Variants in KCNMB2 observed in about 807,000 individuals in gnomAD.
The protein encoded by KCNMB2 is calcium-activated potassium channel subunit beta-2.
KCNMB2 carries 9 observed loss-of-function variants against 24.5 expected under a neutral mutation model. That is an observed-to-expected ratio of 0.37 (90% confidence interval 0.22 to 0.64). KCNMB2 has a LOEUF of 0.64. KCNMB2 is among the 30% of genes least tolerant of loss of function. The pLI is 0.63. For synonymous variants in KCNMB2, 109 were observed against 104.4 expected (o/e 1.04, Z -0.27); for missense variants, 226 against 284.3 (o/e 0.79, Z 1.47).
At chr3:178,730,973 C>G (rs568349380) in intron 1 of KCNMB2, among the ~76,000 whole-genome samples, 15 of 152,224 alleles carry the variant, frequency 9.9e-5, no homozygotes, top group African/African-American at 3.6e-4. Context: ...GTGCCAGACA[C>G]TAGTTTATAT....
chr3:178,677,436 C>A (rs1211407612), intron 1 of KCNMB2, among the ~76,000 whole-genome samples: 1 of 152,164 alleles, frequency 6.6e-6, no homozygotes, highest in African/African-American at 2.4e-5. Flanking sequence ...AGCCTGGGCA[C>A]GTGGGAAGTC....
At chr3:178,557,411 G>A (rs1241437178) in intron 1 of KCNMB2, among the ~76,000 whole-genome samples, 1 of 152,164 alleles carries the variant, frequency 6.6e-6, no homozygotes, top group Non-Finnish European at 1.5e-5. Context: ...AAGGACTCCT[G>A]ATGAATGGCT....
intron 1 of KCNMB2, among the ~76,000 whole-genome samples, chr3:178,795,485 C>A (rs958694466): frequency 1.3e-5 from 2 of 152,118 alleles, no homozygotes; most frequent in Admixed American, 6.5e-5. Flanking sequence ...TGAGTCCTTG[C>A]AGTTTAAGAG....
At chr3:178,541,675 A>G (rs1715624201) in intron 1 of KCNMB2, among the ~76,000 whole-genome samples, 2 of 152,194 alleles carry the variant, frequency 1.3e-5, no homozygotes, top group Non-Finnish European at 2.9e-5. Flanking sequence ...TGATGTGAAA[A>G]GGATGCAGCA....
chr3:178,730,414 C>CA (rs1237365438), intron 1 of KCNMB2, among the ~76,000 whole-genome samples: 2 of 130,884 alleles, frequency 1.5e-5, no homozygotes, highest in Non-Finnish European at 3.3e-5. Context: ...CACCCCCCCA[C>CA]ACACACACAC....
intron 1 of KCNMB2, among the ~76,000 whole-genome samples, chr3:178,548,936 A>G (rs540566575): frequency 3.9e-4 from 59 of 152,336 alleles, no homozygotes; most frequent in African/African-American, 1.4e-3. Context: ...CAAATAATTG[A>G]GTTCCCTTAT....
intron 1 of KCNMB2, among the ~76,000 whole-genome samples, chr3:178,585,118 T>C (rs1468644688): frequency 6.6e-6 from 1 of 152,244 alleles, no homozygotes; most frequent in Non-Finnish European, 1.5e-5. Context: ...GACAGAATCC[T>C]CTTTCCTTCA....
chr3:178,724,222 C>T (rs1362033803), intron 1 of KCNMB2, among the ~76,000 whole-genome samples: 1 of 151,902 alleles, frequency 6.6e-6, no homozygotes, highest in Non-Finnish European at 1.5e-5. Flanking sequence ...GAAGGTATCT[C>T]ATTGTGATTT....
chr3:178,760,272 GGATATATCTATATATAGATATATCCAAGA>G, intron 1 of KCNMB2, among the ~76,000 whole-genome samples: 1 of 65,644 alleles, frequency 1.5e-5, no homozygotes, highest in South Asian at 5.9e-4. Context: ...ATATCCAAGA[GGATATATCTATATATAGATATATCCAAGA>G]GGATATATCT....
At chr3:178,759,279 A>C (rs1258172353) in intron 1 of KCNMB2, among the ~76,000 whole-genome samples, 3 of 123,606 alleles carry the variant, frequency 2.4e-5, no homozygotes, top group African/African-American at 9.4e-5. Flanking sequence ...ATACATATAT[A>C]TCTCTCCAAG....
chr3:178,702,487 T>TA (rs1018083620), intron 1 of KCNMB2, among the ~76,000 whole-genome samples: 3 of 151,582 alleles, frequency 2.0e-5, no homozygotes, highest in African/African-American at 7.3e-5. Flanking sequence ...TAAATAAAGC[T>TA]AATGAGAGAA....
intron 1 of KCNMB2, among the ~76,000 whole-genome samples, chr3:178,740,352 C>A (rs1040379853): frequency 6.6e-6 from 1 of 152,042 alleles, no homozygotes; most frequent in African/African-American, 2.4e-5. Flanking sequence ...GATCTCCTGA[C>A]CTCATGATCT....
intron 1 of KCNMB2, among the ~76,000 whole-genome samples, chr3:178,672,463 G>A (rs1323803432): frequency 6.6e-6 from 1 of 152,172 alleles, no homozygotes; most frequent in Non-Finnish European, 1.5e-5. Context: ...AGCCTTTAAG[G>A]TTCCTATGAC....
At chr3:178,798,995 A>T (rs1279152694) in intron 1 of KCNMB2, among the ~76,000 whole-genome samples, 1 of 150,874 alleles carries the variant, frequency 6.6e-6, no homozygotes, top group Non-Finnish European at 1.5e-5. Flanking sequence ...AAAAAAAAAA[A>T]CTCTCAACAA....
intron 1 of KCNMB2, among the ~76,000 whole-genome samples, chr3:178,768,554 A>T (rs983761977): frequency 6.6e-6 from 1 of 152,244 alleles, no homozygotes; most frequent in African/African-American, 2.4e-5. Flanking sequence ...TACACACTAT[A>T]GAAAGTAAAA....
intron 1 of KCNMB2, among the ~76,000 whole-genome samples, chr3:178,583,179 G>T (rs1016912667): frequency 6.6e-6 from 1 of 152,022 alleles, no homozygotes; most frequent in Non-Finnish European, 1.5e-5. Flanking sequence ...ACCTAGATTT[G>T]TTAATACGTA....
At chr3:178,660,299 T>A (rs1269769142) in intron 1 of KCNMB2, among the ~76,000 whole-genome samples, 1 of 152,196 alleles carries the variant, frequency 6.6e-6, no homozygotes, top group Admixed American at 6.5e-5. Flanking sequence ...GGCATTCAAC[T>A]GAAAATAGTC....
intron 1 of KCNMB2, among the ~76,000 whole-genome samples, chr3:178,635,155 C>A (rs1719472316): frequency 6.6e-6 from 1 of 152,088 alleles, no homozygotes; most frequent in Non-Finnish European, 1.5e-5. Context: ...GCCCAGTGCA[C>A]AAAGATTTTA....
chr3:178,744,510 T>C (rs1280514305), intron 1 of KCNMB2, among the ~76,000 whole-genome samples: 1 of 152,222 alleles, frequency 6.6e-6, no homozygotes, highest in Non-Finnish European at 1.5e-5. Context: ...CTATGTGCTA[T>C]GCTAAATGTT....
Sources: gnomAD v4.1 joint callset for allele counts (sites outside exome capture counted in the v4.1 genomes callset) on GRCh38, gnomAD v4.1.1 for gene constraint, MANE v1.5 for transcripts, NCBI Gene and HGNC (gene_info 2026-07-23, HGNC 2026-07-21) for gene names.